RBFOX1: variants seen among roughly 807,000 people sequenced by gnomAD.
The protein encoded by RBFOX1 is RNA binding protein fox-1 homolog 1.
RBFOX1 carries 8 observed loss-of-function variants against 57.7 expected under a neutral mutation model. The ratio of observed to expected loss-of-function variants is 0.14; its 90% CI spans 0.08 to 0.25. The LOEUF (loss-of-function observed/expected upper bound fraction) is 0.25. Among genes scored for constraint, RBFOX1 ranks in the 10% least tolerant of loss-of-function variants. RBFOX1 has a pLI of 1.00. For missense variants in RBFOX1, 611 were observed against 548.5 expected, an observed-to-expected ratio of 1.11 and a Z score of -1.14; for synonymous variants, 326 against 222.4, an observed-to-expected ratio of 1.47 and a Z score of -4.15.
chr16:6,554,374 T>C (rs1412077358), intron 2 of RBFOX1, among the ~76,000 whole-genome samples: 1 of 152,078 alleles, frequency 6.6e-6, no homozygotes, highest in Non-Finnish European at 1.5e-5. Flanking sequence ...GATTAGTAAT[T>C]GCCTAGGGAT....
intron 4 of RBFOX1, among the ~76,000 whole-genome samples, chr16:7,289,224 G>A (rs2095711239): frequency 2.0e-5 from 3 of 152,142 alleles, no homozygotes; most frequent in African/African-American, 7.2e-5. Context: ...AGTTGAGAGA[G>A]AAAGCAAGAT....
intron 4 of RBFOX1, chr16:7,510,435 C>A: frequency 1.3e-6 from 1 of 763,670 alleles, no homozygotes; most frequent in Non-Finnish European, 1.6e-6. Flanking sequence ...TGAATCATGC[C>A]CGGGGAAAGG....
intron 3 of RBFOX1, among the ~76,000 whole-genome samples, chr16:6,936,179 T>C (rs376028653): frequency 2.6e-5 from 4 of 152,142 alleles, no homozygotes; most frequent in African/African-American, 4.8e-5. Context: ...TCATTGCGAG[T>C]TGTGCAAGGA....
chr16:6,746,550 G>A (rs1308392514), intron 3 of RBFOX1, among the ~76,000 whole-genome samples: 5 of 151,956 alleles, frequency 3.3e-5, no homozygotes, highest in Admixed American at 3.3e-4. Context: ...GATGGCACAT[G>A]TCTGCAGTCC....
intron 1 of RBFOX1, among the ~76,000 whole-genome samples, chr16:6,253,674 CAT>C (rs2097640770): frequency 2.1e-5 from 1 of 47,498 alleles, no homozygotes; most frequent in Admixed American, 3.3e-4. Context: ...TGTGTGTGTG[CAT>C]GTGTGTGTGT....
intron 1 of RBFOX1, among the ~76,000 whole-genome samples, chr16:5,401,246 G>C (rs1339930549): frequency 4.6e-5 from 7 of 152,224 alleles, no homozygotes; most frequent in Middle Eastern, 3.4e-3. Flanking sequence ...AATTCATTTT[G>C]TGTAGGTTTG....
At chr16:6,806,554 A>G (rs1277868420) in intron 3 of RBFOX1, among the ~76,000 whole-genome samples, 1 of 151,928 alleles carries the variant, frequency 6.6e-6, no homozygotes, top group East Asian at 1.9e-4. Flanking sequence ...GTCTGTGGAG[A>G]AGAAATGGAT....
At chr16:6,517,251 C>G (rs1189933839) in intron 2 of RBFOX1, among the ~76,000 whole-genome samples, 1 of 152,112 alleles carries the variant, frequency 6.6e-6, no homozygotes, top group Non-Finnish European at 1.5e-5. Flanking sequence ...CGCATTTTGA[C>G]ATCACCCACA....
chr16:6,538,688 A>G (rs1360443116), intron 2 of RBFOX1, among the ~76,000 whole-genome samples: 1 of 152,200 alleles, frequency 6.6e-6, no homozygotes, highest in Non-Finnish European at 1.5e-5. Context: ...TTGGGAGTTA[A>G]ACCAAGGTAA....
intron 3 of RBFOX1, among the ~76,000 whole-genome samples, chr16:5,722,663 G>A (rs2051978998): frequency 6.6e-6 from 1 of 152,128 alleles, no homozygotes; most frequent in African/African-American, 2.4e-5. Flanking sequence ...GACATAGGTG[G>A]TTTCACCTTG....
At chr16:7,132,028 G>A (rs986872501) in intron 4 of RBFOX1, among the ~76,000 whole-genome samples, 1 of 112,160 alleles carries the variant, frequency 8.9e-6, no homozygotes, top group Non-Finnish European at 1.7e-5. Context: ...GTGTCATTCT[G>A]TTACCCAGAC....
At chr16:7,480,346 G>A (rs2063637005) in intron 4 of RBFOX1, among the ~76,000 whole-genome samples, 1 of 152,152 alleles carries the variant, frequency 6.6e-6, no homozygotes, top group Non-Finnish European at 1.5e-5. Context: ...TGAGCTGGTA[G>A]CACTATCCTT....
At chr16:7,406,249 C>A (rs1444764929) in intron 4 of RBFOX1, among the ~76,000 whole-genome samples, 1 of 152,130 alleles carries the variant, frequency 6.6e-6, no homozygotes, top group South Asian at 2.1e-4. Context: ...AGAAGAGTTG[C>A]CATATGCCAT....
At chr16:7,477,004 G>T (rs1354346114) in intron 4 of RBFOX1, among the ~76,000 whole-genome samples, 2 of 152,118 alleles carry the variant, frequency 1.3e-5, no homozygotes, top group Non-Finnish European at 2.9e-5. Flanking sequence ...TTTCCTTGCT[G>T]GGAAGTGTAC....
chr16:7,513,736 C>T (rs1299404917), intron 4 of RBFOX1, among the ~76,000 whole-genome samples: 3 of 152,186 alleles, frequency 2.0e-5, no homozygotes, highest in African/African-American at 7.2e-5. Context: ...ATTAGGTTTT[C>T]TTCTGAGGAC....
At chr16:5,356,324 G>C (rs561898293) in intron 1 of RBFOX1, among the ~76,000 whole-genome samples, 1 of 152,198 alleles carries the variant, frequency 6.6e-6, no homozygotes, top group African/African-American at 2.4e-5. Flanking sequence ...ACTGTGAGCC[G>C]ATACATTTCT....
chr16:5,311,269 T>A (rs1265073319), intron 1 of RBFOX1, among the ~76,000 whole-genome samples: 1 of 152,156 alleles, frequency 6.6e-6, no homozygotes, highest in African/African-American at 2.4e-5. Flanking sequence ...CACACATATA[T>A]ATTAATATCA....
At chr16:6,653,212 C>G (rs894774531) in intron 2 of RBFOX1, among the ~76,000 whole-genome samples, 12 of 152,134 alleles carry the variant, frequency 7.9e-5, no homozygotes, top group Non-Finnish European at 1.6e-4. Flanking sequence ...ACATCGTATT[C>G]CCCTACCCTC....
intron 2 of RBFOX1, among the ~76,000 whole-genome samples, chr16:5,580,610 C>G (rs1034614838): frequency 6.6e-6 from 1 of 152,296 alleles, no homozygotes; most frequent in Middle Eastern, 3.4e-3. Context: ...CTTCAGCCTT[C>G]AAACATCTGC....
Sources: gnomAD v4.1 joint callset for allele counts (sites outside exome capture counted in the v4.1 genomes callset) on GRCh38, gnomAD v4.1.1 for gene constraint, MANE v1.5 for transcripts, NCBI Gene and HGNC (gene_info 2026-07-23, HGNC 2026-07-21) for gene names.